CNTNAP5: variants seen among roughly 807,000 people sequenced by gnomAD.
CNTNAP5 encodes the protein contactin-associated protein-like 5.
CNTNAP5 carries 72 observed loss-of-function variants against 150.2 expected under a neutral mutation model. The observed-to-expected ratio is 0.48, with a 90% CI of 0.40 to 0.58. The LOEUF (loss-of-function observed/expected upper bound fraction) is 0.58. Among genes scored for constraint, CNTNAP5 ranks in the 20% least tolerant of loss-of-function variants. The pLI is 0.00. For missense variants in CNTNAP5, 1,636 were observed against 1,626.2 expected (o/e 1.01, Z -0.10); for synonymous variants, 672 against 619.8 (o/e 1.08, Z -1.25).
At chr2:124,505,685 C>T (rs1220097486) in intron 8 of CNTNAP5, among the ~76,000 whole-genome samples, 1 of 152,110 alleles carries the variant, frequency 6.6e-6, no homozygotes, top group East Asian at 1.9e-4. Flanking sequence ...CAACATGAAA[C>T]AGTGGAAGTC....
At chr2:124,865,859 G>A (rs371706038) in intron 20 of CNTNAP5, among the ~76,000 whole-genome samples, 124 of 151,372 alleles carry the variant, frequency 8.2e-4, no homozygotes, top group African/African-American at 2.8e-3. Context: ...CAGGAGAATC[G>A]CTTAAACCTG....
At chr2:124,522,171 G>A (rs1463536218) in intron 8 of CNTNAP5, among the ~76,000 whole-genome samples, 1 of 152,168 alleles carries the variant, frequency 6.6e-6, no homozygotes, top group Non-Finnish European at 1.5e-5. Context: ...GGGAGCTCAG[G>A]GGTACCGGCT....
chr2:124,790,620 G>A (rs143213316), intron 18 of CNTNAP5, among the ~76,000 whole-genome samples: 16 of 152,232 alleles, frequency 1.1e-4, no homozygotes, highest in South Asian at 6.2e-4. Flanking sequence ...TCTCTATTCC[G>A]CAGGTGACTT....
chr2:124,916,181 T>A lies in CNTNAP5; in HGVS notation c.*1893T>A, dbSNP rs1250897236. On this transcript the variant is annotated 3_prime_UTR_variant, in exon 24 of 24. Coordinates refer to ENST00000682447, the MANE Select transcript of CNTNAP5 (RefSeq NM_001367498.1). ...TGCATATTCTCTCCTCGAAATTTTC[T>A]GTGGATTTGAGCTCAATCGCTTTAT... 6.6e-6 allele frequency among the ~76,000 whole-genome samples: 1 copy of A among 151,920 alleles called. No homozygotes were observed. Among genetic ancestry groups the A allele is most frequent in the Non-Finnish European group, 1.5e-5 (1 of 68,002 alleles).
intron 19 of CNTNAP5, among the ~76,000 whole-genome samples, chr2:124,849,094 G>A (rs1305329366): frequency 6.6e-6 from 1 of 152,016 alleles, no homozygotes; most frequent in African/African-American, 2.4e-5. Flanking sequence ...TTTCCTCCAT[G>A]TTTTCTTCTA....
At chr2:124,834,210 G>C (rs17012039) in intron 19 of CNTNAP5, among the ~76,000 whole-genome samples, 2,463 of 152,192 alleles carry the variant, frequency 0.016, 69 homozygotes, top group African/African-American at 0.056. Flanking sequence ...TCTTAAATTT[G>C]TTTTCTTGAC....
chr2:124,528,341 C>T (rs531928976), intron 10 of CNTNAP5, among the ~76,000 whole-genome samples: 74 of 152,286 alleles, frequency 4.9e-4, no homozygotes, highest in Middle Eastern at 3.4e-3. Context: ...GCAACTTAGT[C>T]TGACCCTGAG....
At chr2:124,371,282 G>C (rs940581395) in intron 3 of CNTNAP5, among the ~76,000 whole-genome samples, 3 of 152,140 alleles carry the variant, frequency 2.0e-5, no homozygotes, top group African/African-American at 7.2e-5. Flanking sequence ...ACCTCATTAG[G>C]TATGGGAAGA....
chr2:124,809,656 A>G (rs1407494102), intron 19 of CNTNAP5, among the ~76,000 whole-genome samples: 1 of 152,146 alleles, frequency 6.6e-6, no homozygotes, highest in Non-Finnish European at 1.5e-5. Flanking sequence ...TAAAAAATCT[A>G]GAAAGATGGG....
At chr2:124,249,961 T>TTG (rs36078434) in intron 3 of CNTNAP5, among the ~76,000 whole-genome samples, 3,612 of 118,666 alleles carry the variant, frequency 0.03, 57 homozygotes, top group South Asian at 0.055. Flanking sequence ...ATGAATTCTT[T>TTG]TGTGTGTGTG....
intron 3 of CNTNAP5, among the ~76,000 whole-genome samples, chr2:124,385,376 A>G (rs1042786875): frequency 2.0e-5 from 3 of 152,120 alleles, no homozygotes; most frequent in African/African-American, 4.8e-5. Context: ...CCCCACTTCA[A>G]TCTTATGAGA....
At chr2:124,142,053 A>G (rs1039721254) in intron 1 of CNTNAP5, among the ~76,000 whole-genome samples, 20 of 148,100 alleles carry the variant, frequency 1.4e-4, no homozygotes, top group African/African-American at 5.0e-4. Context: ...AGGCCATTAC[A>G]TAATGGTAAA....
chr2:124,730,346 GAT>G (rs139189466), intron 13 of CNTNAP5, among the ~76,000 whole-genome samples: 207 of 146,578 alleles, frequency 1.4e-3, no homozygotes, highest in African/African-American at 2.9e-3. Flanking sequence ...CATGTGTACA[GAT>G]ATATATATAT....
chr2:124,891,618 A>T (rs966218835), intron 21 of CNTNAP5, among the ~76,000 whole-genome samples: 32 of 152,260 alleles, frequency 2.1e-4, no homozygotes, highest in African/African-American at 7.5e-4. Flanking sequence ...TTCCTTGGTG[A>T]TAAAAACCTG....
chr2:124,749,962 G>A (rs568033864), intron 14 of CNTNAP5, among the ~76,000 whole-genome samples: 6 of 152,056 alleles, frequency 3.9e-5, no homozygotes, highest in South Asian at 2.1e-4. Context: ...CTTCCATTCC[G>A]CTCCCAGCCT....
chr2:124,683,165 A>T (rs77861165), intron 13 of CNTNAP5, among the ~76,000 whole-genome samples: 1 of 152,132 alleles, frequency 6.6e-6, no homozygotes, highest in Admixed American at 6.5e-5. Flanking sequence ...TGGCTGATGT[A>T]TGAATCTCAG....
chr2:124,415,239 A>T (rs1199655084), intron 3 of CNTNAP5, among the ~76,000 whole-genome samples: 1 of 152,160 alleles, frequency 6.6e-6, no homozygotes, highest in Non-Finnish European at 1.5e-5. Flanking sequence ...TGAAATGTTG[A>T]ATTTGAACCT....
At chr2:124,071,290 T>C (rs188401563) in intron 1 of CNTNAP5, among the ~76,000 whole-genome samples, 1 of 151,926 alleles carries the variant, frequency 6.6e-6, no homozygotes, top group Admixed American at 6.6e-5. Flanking sequence ...ACAATGCATG[T>C]TAGAGAACTA....
At chr2:124,028,530 C>CA (rs1680959460) in intron 1 of CNTNAP5, among the ~76,000 whole-genome samples, 1 of 152,084 alleles carries the variant, frequency 6.6e-6, no homozygotes, top group Non-Finnish European at 1.5e-5. Flanking sequence ...ATAAAAACTG[C>CA]AGAAATTCCC....
Sources: gnomAD v4.1 joint callset for allele counts (sites outside exome capture counted in the v4.1 genomes callset) on GRCh38, gnomAD v4.1.1 for gene constraint, MANE v1.5 for transcripts, NCBI Gene and HGNC (gene_info 2026-07-23, HGNC 2026-07-21) for gene names.